Variants in APLP2 observed in about 807,000 individuals in gnomAD.
APLP2 encodes the protein CDEI box-binding protein.
APLP2 carries 53 observed loss-of-function variants against 89.9 expected under a neutral mutation model. That is an observed-to-expected ratio of 0.59 (90% CI 0.47 to 0.74). The LOEUF (loss-of-function observed/expected upper bound fraction) is 0.74, where lower values mean the gene tolerates loss of function less well. Ranked by LOEUF, APLP2 falls within the 30% of genes least tolerant of loss-of-function variation. The pLI is 0.00. For synonymous variants in APLP2, 372 were observed against 348.6 expected (o/e 1.07, Z -0.75); for missense variants, 973 against 975.9 (o/e 1.00, Z 0.04).
intron 11 of APLP2, 78 bp from the exon 12 acceptor site, chr11:130,133,551 C>T (rs764927718): frequency 1.4e-5 from 15 of 1,034,714 alleles, no homozygotes; most frequent in African/African-American, 4.7e-5. Flanking sequence ...GAAGTTGTGT[C>T]GATGTTCCAG....
intron 1 of APLP2, among the ~76,000 whole-genome samples, chr11:130,093,840 T>C (rs1945793456): frequency 6.7e-6 from 1 of 149,046 alleles, no homozygotes; most frequent in African/African-American, 2.6e-5. Flanking sequence ...GCCTCCCTGG[T>C]TCAAGCTATG....
At chr11:130,136,181 A>G (rs1045804864) in intron 13 of APLP2, among the ~76,000 whole-genome samples, 7 of 152,048 alleles carry the variant, frequency 4.6e-5, no homozygotes, top group South Asian at 2.1e-4. Flanking sequence ...TCTTTCCTCT[A>G]TTCCCCTGCT....
intron 10 of APLP2, among the ~76,000 whole-genome samples, chr11:130,129,479 A>G (rs1028199563): frequency 1.3e-5 from 2 of 152,246 alleles, no homozygotes; most frequent in Admixed American, 1.3e-4. Flanking sequence ...GTAATTATCC[A>G]GTTATTGAAC....
At chr11:130,115,981 A>T (rs1482823696) in intron 3 of APLP2, among the ~76,000 whole-genome samples, 2 of 152,232 alleles carry the variant, frequency 1.3e-5, no homozygotes, top group Admixed American at 6.5e-5. Context: ...TGGGGTATAG[A>T]TGAACATTTT....
intron 1 of APLP2, chr11:130,100,450 T>G (rs1014333026): frequency 1.6e-5 from 2 of 124,772 alleles, no homozygotes; most frequent in Admixed American, 7.5e-5. Context: ...TTCTGCGTGG[T>G]TTTTTTTTTA....
At chr11:130,084,683 A>C (rs772265756) in intron 1 of APLP2, among the ~76,000 whole-genome samples, 11 of 152,160 alleles carry the variant, frequency 7.2e-5, no homozygotes, top group Non-Finnish European at 1.5e-4. Flanking sequence ...CAAAAGCACC[A>C]CTGAGAGGGA....
chr11:130,129,238 A>AG (rs1256405180), intron 10 of APLP2, 32 bp downstream of exon 10: 1 of 1,594,664 alleles, frequency 6.3e-7, no homozygotes, highest in Non-Finnish European at 8.6e-7. Flanking sequence ...GCCTGCCCTG[A>AG]GGTGGTATAT....
chr11:130,112,264 A>C (rs891488710), intron 3 of APLP2, among the ~76,000 whole-genome samples: 2 of 152,212 alleles, frequency 1.3e-5, no homozygotes, highest in African/African-American at 4.8e-5. Flanking sequence ...TTTCATCATG[A>C]CATCATTTCA....
At chr11:130,109,998 A>T (rs766367163) in intron 2 of APLP2, among the ~76,000 whole-genome samples, 1 of 152,228 alleles carries the variant, frequency 6.6e-6, no homozygotes, top group Non-Finnish European at 1.5e-5. Context: ...AGGAGATGTT[A>T]TAACTTGTAT....
intron 13 of APLP2, among the ~76,000 whole-genome samples, chr11:130,136,279 C>A (rs1355308642): frequency 6.6e-6 from 1 of 152,176 alleles, no homozygotes; most frequent in Non-Finnish European, 1.5e-5. Flanking sequence ...TGAGAGCCGT[C>A]CCCCTCATCA....
intron 1 of APLP2, among the ~76,000 whole-genome samples, chr11:130,076,231 T>C (rs1278322151): frequency 2.6e-5 from 4 of 152,026 alleles, no homozygotes; most frequent in African/African-American, 9.7e-5. Context: ...TGCGCCACCA[T>C]GCCCGGCTAA....
intron 3 of APLP2, among the ~76,000 whole-genome samples, chr11:130,110,918 A>G (rs1023440794): frequency 1.7e-4 from 26 of 152,168 alleles, no homozygotes; most frequent in African/African-American, 5.5e-4. Context: ...CCACAGAGCA[A>G]TTGCACTTAC....
chr11:130,107,421 A>G (rs1018904349), intron 1 of APLP2, among the ~76,000 whole-genome samples: 1 of 149,458 alleles, frequency 6.7e-6, no homozygotes, highest in Non-Finnish European at 1.5e-5. Context: ...CTATACACCA[A>G]TAACAGACAG....
chr11:130,085,465 A>AAAAAC (rs1434922454), intron 1 of APLP2, among the ~76,000 whole-genome samples: 3 of 152,110 alleles, frequency 2.0e-5, no homozygotes, highest in Admixed American at 6.6e-5. Context: ...AAAAAAACCA[A>AAAAAC]AAAACAAAAC....
chr11:130,098,465 C>T (rs1946502152), intron 1 of APLP2, among the ~76,000 whole-genome samples: 1 of 151,012 alleles, frequency 6.6e-6, no homozygotes. Context: ...TTCCCAGATA[C>T]GTTAAAGGAA....
At chr11:130,134,729 C>T (rs574935272) in intron 12 of APLP2, among the ~76,000 whole-genome samples, 1 of 152,204 alleles carries the variant, frequency 6.6e-6, no homozygotes, top group African/African-American at 2.4e-5. Context: ...AAGGAGCACC[C>T]CAGGGACAGC....
At chr11:130,120,074 A>G (rs1314698768) in intron 3 of APLP2, among the ~76,000 whole-genome samples, 1 of 152,218 alleles carries the variant, frequency 6.6e-6, no homozygotes, top group Non-Finnish European at 1.5e-5. Flanking sequence ...GATTCAAATG[A>G]TAATATATTT....
Position 130,123,898 on chromosome 11 carries a change from G to A in APLP2, c.1090+119G>A, listed in dbSNP as rs961217477. On this transcript the variant is annotated intron_variant, in intron 7 of 16. Transcript: ENST00000338167. The surrounding 1 kb of genome is among the most constrained non-coding windows in gnomAD (Gnocchi z 4.0). The stretch of plus-strand genomic sequence containing the variant: ...CCTGCCCACTCGGGTGTTTGCTGTC[G>A]GTCGTCTTCCCCTCATCTTTGTGCT... 23 of 1,132,314 alleles carry A rather than the reference G, an allele frequency of 2.0e-5. No homozygotes were observed. Among genetic ancestry groups the A allele is most frequent in the Admixed American group, 1.8e-4 (8 of 45,296 alleles). The allele number at this position is 1,132,314 out of a possible 1,614,324, so 70.1% of individuals were successfully genotyped here. A position where few individuals can be genotyped will look rare whatever the true frequency, so the allele number is the denominator to read the frequency against.
In APLP2 at chr11:130,144,361, G is replaced by A. The variant is rs1480294417; in HGVS notation, c.*913G>A. The A allele has an allele frequency of 1.3e-5, 2 of 152,310 alleles. No individual in the cohort carries two copies. The highest frequency in any genetic ancestry group is 2.9e-5 in the Non-Finnish European group (2 of 68,160). 9.4% of individuals were successfully genotyped at this position (152,310 alleles called of 1,614,324 possible). A position where few individuals can be genotyped will look rare whatever the true frequency, so the allele number is the denominator to read the frequency against. On this transcript the variant is annotated 3_prime_UTR_variant, in exon 17 of 17. Transcript: ENST00000338167. Reference sequence around the variant, plus strand: ...TGTCCCCTCACCTCCACCCCCTCCTGTCACCGGCCTTGTGACATTCACTCA... The same window carrying A: ...TGTCCCCTCACCTCCACCCCCTCCTATCACCGGCCTTGTGACATTCACTCA...
Sources: allele counts gnomAD v4.1 joint callset (sites outside exome capture counted in the v4.1 genomes callset), GRCh38; gene constraint gnomAD v4.1.1; non-coding constraint Gnocchi (gnomAD v3.1); transcripts MANE v1.5; gene names NCBI Gene and HGNC (gene_info 2026-07-23, HGNC 2026-07-21).